The following HECTD4 variants were observed in gnomAD, a reference collection of about 807,000 sequenced individuals.
The protein encoded by HECTD4 is HECT domain E3 ubiquitin protein ligase 4, also known as probable E3 ubiquitin-protein ligase HECTD4.
In HECTD4, 114 loss-of-function variants were observed where a neutral mutation model predicts 471.5. The observed-to-expected ratio is 0.24, with a 90% CI of 0.21 to 0.28. The LOEUF is 0.28. Among genes scored for constraint, HECTD4 ranks in the 10% least tolerant of loss-of-function variants. The probability of loss-of-function intolerance (pLI) is 1.00; values close to 1 mark genes in which losing one functional copy is unlikely to be tolerated. For missense variants in HECTD4, 3,866 were observed against 5,651.5 expected, an observed-to-expected ratio of 0.68 and a Z score of 10.13; for synonymous variants, 2,012 against 2,256.0, an observed-to-expected ratio of 0.89 and a Z score of 3.07.
At chr12:112,329,622 C>T (rs1032816329) in intron 1 of HECTD4, among the ~76,000 whole-genome samples, 4 of 152,114 alleles carry the variant, frequency 2.6e-5, no homozygotes, top group East Asian at 3.9e-4. Context: ...CCCACCTCGG[C>T]GTCCCAAAGT....
rs961329981 is a variant in HECTD4 at position 112,160,852 on chromosome 12, G to C, written c.*1535C>G. 1 of 152,102 alleles carries C rather than the reference G, an allele frequency of 6.6e-6. No homozygotes were observed. The highest frequency in any genetic ancestry group is 1.5e-5 in the Non-Finnish European group (1 of 68,020). The allele number at this position is 152,102 out of a possible 1,614,324, so 9.4% of individuals were successfully genotyped here. A position where few individuals can be genotyped will look rare whatever the true frequency, so the allele number is the denominator to read the frequency against. ...CTTTCAAAGCAGGGGAACTGCTTGC[G>C]GGCACTCACCTCCAGAGTTGACTTG... is the stretch of plus-strand genomic sequence containing the variant. On this transcript the variant is annotated 3_prime_UTR_variant, in exon 76 of 76. Transcript: ENST00000682272.
In HECTD4 at chr12:112,236,995, A is replaced by G. The variant is rs750970045; in HGVS notation, c.5394T>C (p.Ala1798=). 1 of 1,612,920 alleles carries G rather than the reference A, an allele frequency of 6.2e-7. No homozygotes were observed. The highest frequency in any genetic ancestry group is 8.5e-7 in the Non-Finnish European group (1 of 1,179,564). Residue 1798 remains alanine (A), a synonymous_variant, in exon 35 of 76, where the codon GCT becomes GCC. Transcript: ENST00000682272. ...GGACATCCTGGAGCGCGTCATTCCC[A>G]GCAGCCTGGTTGCCACAGCACTCTG... The part of the protein sequence containing the change: ...RATECCGNQA[A]GNDALQDVLS...
chr12:112,167,956 C>A, intron 70 of HECTD4, 39 bp from the exon 71 acceptor site: 1 of 1,528,072 alleles, frequency 6.5e-7, no homozygotes, highest in South Asian at 1.1e-5. Flanking sequence ...CTGGGGTGTC[C>A]CGGCGGGAGG....
rs1408380952 is a variant in HECTD4, at chr12:112,251,093, T to G, written c.3594A>C (p.Val1198=). The G allele has an allele frequency of 6.2e-7, 1 of 1,614,018 alleles. No individual in the cohort carries two copies. The highest frequency in any genetic ancestry group is 1.7e-5 in the Admixed American group (1 of 60,004). The change falls in exon 24 of 76, where the codon GTA becomes GTC. Residue 1198 remains valine (V), a synonymous_variant. Coordinates refer to ENST00000682272, the MANE Select transcript of HECTD4 (RefSeq NM_001388303.1). ...ACACAGACAGACCTAAAGCCAGGTCTACCAGAAAGGGCAAGCCTCCTGAGA... is the reference window on the plus strand; with the variant it reads ...ACACAGACAGACCTAAAGCCAGGTCGACCAGAAAGGGCAAGCCTCCTGAGA... ...EDVSGGLPFL[V]DLALGLSVLA...
chr12:112,231,338 G>A, intron 39 of HECTD4, 175 bp downstream of exon 39: 1 of 620,192 alleles, frequency 1.6e-6, no homozygotes, highest in Non-Finnish European at 2.9e-6. Context: ...CTACCTGGAT[G>A]GTCATTACTC....
Position 112,265,192 on chromosome 12 carries a change from G to T in HECTD4, c.2602C>A (p.Leu868Ile). 1.2e-6 allele frequency: 2 copies of T among 1,601,508 alleles called. No individual in the cohort carries two copies. The highest frequency in any genetic ancestry group is 2.2e-5 in the East Asian group (1 of 44,448). Residue 868 changes from leucine (L) to isoleucine (I), a missense_variant, in exon 16 of 76, where the codon CTC becomes ATC. Physicochemically the swap from Leu to Ile is conservative, Grantham distance 5 (BLOSUM62 2). Around this residue, in one of 16 missense-constraint regions of HECTD4, gnomAD observed 525 missense variants for 672.6 expected, o/e 0.78. Coordinates refer to ENST00000682272, the MANE Select transcript of HECTD4 (RefSeq NM_001388303.1). ...TTACTTACAGGCACAGTTGAAAGGA[G>T]CTTTTGAAAATCATCTTTAGAGACA... ...QTVSKDDFQK[L>I]LSTVPAASSC...
Position 112,233,063 on chromosome 12 carries a change from G to A in HECTD4, c.5938C>T (p.Arg1980Ter), listed in dbSNP as rs770519328. 3.1e-6 allele frequency: 5 copies of A among 1,610,796 alleles called. No individual in the cohort carries two copies. Among genetic ancestry groups the A allele is most frequent in the South Asian group, 1.1e-5 (1 of 90,120 alleles). ...TCCATGTTGGCGCCAGTACCAAGTC[G>A]GAAGGGCCGTCCTTCTGAACTACTG... ...LLSSSEGRPF[R>*]LGTGANMEKV... is the part of the protein sequence containing the mutation. The change falls in exon 38 of 76, where the codon CGA becomes TGA. Residue 1980 changes from arginine to a stop codon, truncating the protein, a stop_gained. Coordinates refer to ENST00000682272, the MANE Select transcript of HECTD4 (RefSeq NM_001388303.1). LOFTEE classifies it high-confidence loss of function.
intron 37 of HECTD4, 61 bp from the exon 38 acceptor site, chr12:112,233,146 A>C: frequency 1.5e-6 from 2 of 1,366,364 alleles, no homozygotes; most frequent in African/African-American, 1.4e-5. Flanking sequence ...AGTGGGCTGC[A>C]TGCCATGGGG....
intron 8 of HECTD4, among the ~76,000 whole-genome samples, chr12:112,281,941 T>C (rs1443733661): frequency 6.6e-6 from 1 of 152,146 alleles, no homozygotes; most frequent in African/African-American, 2.4e-5. Context: ...GGAATAATGG[T>C]TCTTAATGTT....
intron 7 of HECTD4, chr12:112,301,879 T>A: frequency 1.0e-6 from 1 of 993,890 alleles, no homozygotes; most frequent in Non-Finnish European, 1.6e-6. Flanking sequence ...TTTAACCCAG[T>A]TTAGTGGCAA....
At chr12:112,342,918 T>G (rs1330866115) in intron 1 of HECTD4, among the ~76,000 whole-genome samples, 1 of 152,222 alleles carries the variant, frequency 6.6e-6, no homozygotes, top group Non-Finnish European at 1.5e-5. Flanking sequence ...CCAAAAAATT[T>G]TACTTCTTAG....
intron 16 of HECTD4, 150 bp downstream of exon 16, chr12:112,265,025 A>C: frequency 1.7e-6 from 1 of 602,810 alleles, no homozygotes; most frequent in South Asian, 3.9e-5. Context: ...TTGGCCTCCC[A>C]AAGTGCTGGG....
At chr12:112,367,582 G>A (rs1438581056) in intron 1 of HECTD4, among the ~76,000 whole-genome samples, 1 of 151,632 alleles carries the variant, frequency 6.6e-6, no homozygotes, top group Non-Finnish European at 1.5e-5. Context: ...CACTTTGGGA[G>A]GTGGAGGTGG....
intron 3 of HECTD4, 126 bp from the exon 4 acceptor site, chr12:112,313,273 T>A: frequency 1.8e-6 from 1 of 552,374 alleles, no homozygotes; most frequent in African/African-American, 1.9e-5. Flanking sequence ...TTTATACAAA[T>A]ATTATTCAAA....
chr12:112,266,872 A>T, intron 14 of HECTD4, 40 bp downstream of exon 14: 1 of 1,022,752 alleles, frequency 9.8e-7, no homozygotes, highest in Admixed American at 2.1e-5. Flanking sequence ...GGGACAAAAA[A>T]AGGACGGCTG....
chr12:112,370,535 A>G (rs1273554553), intron 1 of HECTD4, among the ~76,000 whole-genome samples: 1 of 152,210 alleles, frequency 6.6e-6, no homozygotes. Context: ...TGAGTTTAAA[A>G]AGAAAGCAAG....
At chr12:112,203,417 A>G in intron 54 of HECTD4, 1 of 433,684 alleles carries the variant, frequency 2.3e-6, no homozygotes, top group Non-Finnish European at 4.1e-6. Flanking sequence ...CACAGCTTTG[A>G]GACTGGAGAG....
At chr12:112,329,888 G>C (rs950317798) in intron 1 of HECTD4, among the ~76,000 whole-genome samples, 1 of 152,216 alleles carries the variant, frequency 6.6e-6, no homozygotes, top group South Asian at 2.1e-4. Context: ...AGGTAGGATC[G>C]ATTGCTTGAG....
Position 112,382,327 on chromosome 12 carries a change from TGCC to T in HECTD4, c.-202_-200del, listed in dbSNP as rs558182543. The T allele has an allele frequency of 0.13, 45,812 of 347,874 alleles. 4,770 individuals are homozygous for T. Among genetic ancestry groups the T allele is most frequent in the African/African-American group, 0.41 (17,260 of 42,528 alleles). 21.5% of individuals were successfully genotyped at this position (347,874 alleles called of 1,614,324 possible). A position where few individuals can be genotyped will look rare whatever the true frequency, so the allele number is the denominator to read the frequency against. On this transcript the variant is annotated 5_prime_UTR_variant, in exon 1 of 76. Transcript: ENST00000682272. The stretch of plus-strand genomic sequence containing the variant: ...ACCCCGGCCCGGGAGACCCCGGCCC[TGCC>T]GCCGCCGCCGCCGCCGCCGCCGCCG...
Sources: allele counts gnomAD v4.1 joint callset (sites outside exome capture counted in the v4.1 genomes callset), GRCh38; gene constraint gnomAD v4.1.1; regional missense constraint gnomAD v4.1.1; transcripts MANE v1.5; gene names NCBI Gene and HGNC (gene_info 2026-07-23, HGNC 2026-07-21).